The following YES1 variants were observed in gnomAD, a reference collection of about 807,000 sequenced individuals.
YES1 encodes tyrosine-protein kinase Yes.
Under a neutral mutation model 70.4 loss-of-function variants are expected in YES1, and 39 were observed. The ratio of observed to expected loss-of-function variants is 0.55; its 90% CI spans 0.43 to 0.72. The LOEUF (loss-of-function observed/expected upper bound fraction) is 0.72. Among genes scored for constraint, YES1 ranks in the 30% least tolerant of loss-of-function variants. The pLI, the probability that YES1 is intolerant of heterozygous loss-of-function variation, is 0.00. For missense variants in YES1, 495 were observed against 644.8 expected, an observed-to-expected ratio of 0.77 and a Z score of 2.52; for synonymous variants, 198 against 218.6, an observed-to-expected ratio of 0.91 and a Z score of 0.83.
chr18:773,869 T>C (rs1321466875), intron 1 of YES1, among the ~76,000 whole-genome samples: 1 of 152,036 alleles, frequency 6.6e-6, no homozygotes, highest in Non-Finnish European at 1.5e-5. Flanking sequence ...TCTTGCTCTG[T>C]CGCCCAGGCT....
rs567939117 is a variant in YES1, at chr18:729,815, T to A, written c.1423+3019A>T. On this transcript the variant is annotated intron_variant, in intron 11 of 11. Transcript: ENST00000314574. ...CTAATTTTTGTATTTTTAGCAGAGA[T>A]GGGGTTTTACCATCTTGGCCAGGCT... is the stretch of plus-strand genomic sequence containing the variant. 2.0e-5 allele frequency among the ~76,000 whole-genome samples: 3 copies of A among 152,096 alleles called. No homozygotes were observed. In the East Asian group the frequency reaches 5.8e-4, roughly 29 times the overall value.
At chr18:777,276 G>A (rs1905430393) in intron 1 of YES1, among the ~76,000 whole-genome samples, 1 of 152,114 alleles carries the variant, frequency 6.6e-6, no homozygotes, top group African/African-American at 2.4e-5. Flanking sequence ...TTTTATATAT[G>A]TATATAAAGA....
chr18:742,459 TAAAAAA>T (rs59582095), intron 8 of YES1, among the ~76,000 whole-genome samples: 3 of 143,314 alleles, frequency 2.1e-5, no homozygotes, highest in Non-Finnish European at 4.6e-5. Context: ...AGTCTCTATT[TAAAAAA>T]AAAAAAAAAA....
intron 4 of YES1, among the ~76,000 whole-genome samples, chr18:747,565 T>C (rs2080295188): frequency 1.3e-5 from 2 of 152,088 alleles, no homozygotes; most frequent in Admixed American, 1.3e-4. Flanking sequence ...ATATATAAGC[T>C]GTAAGTTAAA....
At chr18:799,181 T>A (rs1016865203) in intron 1 of YES1, among the ~76,000 whole-genome samples, 1 of 152,190 alleles carries the variant, frequency 6.6e-6, no homozygotes, top group Non-Finnish European at 1.5e-5. Context: ...GTATTTTCCA[T>A]ACAGATGTCT....
At chr18:754,712 C>CAA (rs35530008) in intron 2 of YES1, among the ~76,000 whole-genome samples, 34 of 135,304 alleles carry the variant, frequency 2.5e-4, no homozygotes, top group Admixed American at 5.2e-4. Flanking sequence ...ACTCCAACTC[C>CAA]AAAAAAAAAA....
chr18:790,622 G>C (rs1337257164), intron 1 of YES1, among the ~76,000 whole-genome samples: 1 of 152,148 alleles, frequency 6.6e-6, no homozygotes, highest in East Asian at 1.9e-4. Context: ...CAGATGATTT[G>C]AAAAGAAAGT....
Position 733,782 on chromosome 18 carries a change from C to CAAAAAAAAAA in YES1, c.1292-827_1292-818dup, listed in dbSNP as rs71174280. The stretch of plus-strand genomic sequence containing the variant: ...TGGGCAACAGAGTGAGACTCCGTCT[C>CAAAAAAAAAA]AAAAAAAAAAAAAAAAAAAAAAAAA... On this transcript the variant is annotated intron_variant, in intron 10 of 11. Coordinates refer to ENST00000314574, the MANE Select transcript of YES1 (RefSeq NM_005433.4). Among the ~76,000 whole-genome samples, 58 of 59,244 alleles carry CAAAAAAAAAA rather than the reference C, an allele frequency of 9.8e-4. 1 individual carries two copies. Among genetic ancestry groups the CAAAAAAAAAA allele is most frequent in the African/African-American group, 3.4e-3 (56 of 16,446 alleles). The allele number at this position is 59,244 out of a possible 152,430, so 38.9% of individuals were successfully genotyped here.
rs150853039 is a variant in YES1 at position 755,080 on chromosome 18, A to G, written c.271+1477T>C. The stretch of plus-strand genomic sequence containing the variant: ...TTTTAGATTACTATCTTTCCCAAAC[A>G]TAACTCTAAAAGTAAACTTTTGCTA... On this transcript the variant is annotated intron_variant, in intron 2 of 11. Coordinates refer to ENST00000314574, the MANE Select transcript of YES1 (RefSeq NM_005433.4). 1.3e-4 allele frequency among the ~76,000 whole-genome samples: 20 copies of G among 152,336 alleles called. No individual in the cohort carries two copies. The South Asian group carries it at 4.1e-3, about 32-fold the overall frequency.
chr18:773,654 T>C (rs577860695), intron 1 of YES1, among the ~76,000 whole-genome samples: 156 of 152,334 alleles, frequency 1.0e-3, no homozygotes, highest in African/African-American at 3.4e-3. Flanking sequence ...TCCTGTCCAT[T>C]GTATAATAAC....
intron 1 of YES1, among the ~76,000 whole-genome samples, chr18:787,193 G>A (rs1330837170): frequency 2.1e-5 from 3 of 141,444 alleles, no homozygotes; most frequent in East Asian, 2.3e-4. Context: ...TCCACCTCCC[G>A]GGTTCAAGAG....
intron 1 of YES1, among the ~76,000 whole-genome samples, chr18:811,614 A>G (rs746184572): frequency 6.6e-6 from 1 of 152,208 alleles, no homozygotes; most frequent in Non-Finnish European, 1.5e-5. Flanking sequence ...GCGGTTTTCA[A>G]TCAAACCAAG....
At chr18:783,982 T>C (rs973602187) in intron 1 of YES1, among the ~76,000 whole-genome samples, 1 of 152,202 alleles carries the variant, frequency 6.6e-6, no homozygotes, top group Non-Finnish European at 1.5e-5. Flanking sequence ...GTTTTGAGGA[T>C]AATTAGAAAA....
In YES1 at chr18:723,981, C is replaced by T. The variant is rs1337579132; in HGVS notation, c.*443G>A. 6.4e-6 allele frequency: 1 copy of T among 155,480 alleles called. No individual in the cohort carries two copies. Among genetic ancestry groups the T allele is most frequent in the Non-Finnish European group, 1.4e-5 (1 of 69,932 alleles). The allele number at this position is 155,480 out of a possible 1,614,324, so 9.6% of individuals were successfully genotyped here. On this transcript the variant is annotated 3_prime_UTR_variant, in exon 12 of 12. Transcript: ENST00000314574. The stretch of plus-strand genomic sequence containing the variant: ...AATAAATGCAAGAAACTTTAAAAAA[C>T]TGGAATGGAATTATTTGGTCCCATG...
At chr18:764,641 G>C (rs1568204200) in intron 1 of YES1, among the ~76,000 whole-genome samples, 1 of 152,178 alleles carries the variant, frequency 6.6e-6, no homozygotes, top group South Asian at 2.1e-4. Context: ...GAAGTCTGGT[G>C]GGGGATTAAT....
chr18:761,626 T>G (rs551674595), intron 1 of YES1, among the ~76,000 whole-genome samples: 5 of 152,196 alleles, frequency 3.3e-5, no homozygotes, highest in African/African-American at 7.2e-5. Flanking sequence ...TCCATTACTA[T>G]GCTTAACCTG....
intron 3 of YES1, among the ~76,000 whole-genome samples, chr18:748,268 C>CT (rs2145720539): frequency 6.6e-6 from 1 of 151,996 alleles, no homozygotes; most frequent in South Asian, 2.1e-4. Flanking sequence ...TATAAGATTT[C>CT]TTTTTTTAAC....
chr18:804,925 A>AAAAAAAC (rs1555692642), intron 1 of YES1, among the ~76,000 whole-genome samples: 5 of 150,810 alleles, frequency 3.3e-5, no homozygotes, highest in Non-Finnish European at 4.4e-5. Context: ...AAAAAAAAAA[A>AAAAAAAC]CACAAACCAA....
At chr18:732,387 A>G (rs1013617128) in intron 11 of YES1, among the ~76,000 whole-genome samples, 2 of 148,268 alleles carry the variant, frequency 1.3e-5, no homozygotes, top group African/African-American at 5.0e-5. Flanking sequence ...GCAGTGAGCC[A>G]GACTGTACCA....
Sources: gnomAD v4.1 joint callset for allele counts (sites outside exome capture counted in the v4.1 genomes callset) on GRCh38, gnomAD v4.1.1 for gene constraint, MANE v1.5 for transcripts, NCBI Gene and HGNC (gene_info 2026-07-23, HGNC 2026-07-21) for gene names.